Variants in SH3RF2 observed in about 807,000 individuals in gnomAD.
SH3RF2 encodes the protein SH3 domain containing ring finger 2.
In SH3RF2, 43 loss-of-function variants were observed where a neutral mutation model predicts 59.0. The observed-to-expected ratio is 0.73, with a 90% confidence interval of 0.57 to 0.94. The LOEUF (loss-of-function observed/expected upper bound fraction) is 0.94. Among genes scored for constraint, SH3RF2 ranks in the 40% least tolerant of loss-of-function variants. The probability of loss-of-function intolerance (pLI) is 0.00; values close to 1 mark genes in which losing one functional copy is unlikely to be tolerated. For missense variants in SH3RF2, 930 were observed against 940.1 expected (o/e 0.99, Z 0.14); for synonymous variants, 391 against 391.5 (o/e 1.00, Z 0.01).
chr5:146,018,921 T>C (rs902351511), intron 5 of SH3RF2, among the ~76,000 whole-genome samples: 2 of 152,002 alleles, frequency 1.3e-5, no homozygotes, highest in Non-Finnish European at 2.9e-5. Flanking sequence ...TGGCTGCTTA[T>C]ATATCTTGTG....
intron 2 of SH3RF2, among the ~76,000 whole-genome samples, chr5:145,989,352 A>C (rs1561726428): frequency 6.6e-6 from 1 of 152,232 alleles, no homozygotes; most frequent in Non-Finnish European, 1.5e-5. Flanking sequence ...AATTCTTATC[A>C]GCCATTTGTA....
At chr5:145,995,207 A>G (rs1161156059) in intron 2 of SH3RF2, among the ~76,000 whole-genome samples, 1 of 152,150 alleles carries the variant, frequency 6.6e-6, no homozygotes, top group Non-Finnish European at 1.5e-5. Flanking sequence ...ACATAGCAAG[A>G]TGGAGGAGAG....
rs753616323 is a variant in SH3RF2, at chr5:146,000,273, C to A, written c.594C>A (p.Phe198Leu). Residue 198 changes from phenylalanine to leucine, a missense_variant, in exon 3 of 10, where the codon TTC becomes TTA. Physicochemically the swap from Phe to Leu is conservative, Grantham distance 22. Coordinates refer to ENST00000359120, the MANE Select transcript of SH3RF2 (RefSeq NM_152550.4). ...PPPLCRALYN[F>L]DLRGKDKSEN... ...CGCTCTGCAGGGCCCTCTACAACTT[C>A]GACCTACGAGGCAAGGACAAGAGTG... The A allele has an allele frequency of 1.2e-6, 2 of 1,613,726 alleles. No individual in the cohort carries two copies. Among genetic ancestry groups the A allele is most frequent in the Admixed American group, 1.7e-5 (1 of 59,984 alleles).
chr5:146,009,331 T>G (rs958227848), intron 4 of SH3RF2, among the ~76,000 whole-genome samples: 1 of 152,190 alleles, frequency 6.6e-6, no homozygotes. Context: ...ATCTGGCCCC[T>G]GCCTGTCTCT....
At chr5:146,035,273 GA>G (rs1380749625) in intron 5 of SH3RF2, among the ~76,000 whole-genome samples, 1 of 152,134 alleles carries the variant, frequency 6.6e-6, no homozygotes, top group Non-Finnish European at 1.5e-5. Context: ...TAAATTTTCT[GA>G]AGATGCTGAG....
intron 3 of SH3RF2, among the ~76,000 whole-genome samples, chr5:146,002,542 C>G (rs1352017287): frequency 6.9e-6 from 1 of 144,182 alleles, no homozygotes; most frequent in African/African-American, 2.6e-5. Context: ...GGAAGGATAA[C>G]CTATAAATGC....
chr5:146,048,764 CCT>C (rs981725965), intron 6 of SH3RF2, among the ~76,000 whole-genome samples: 3 of 152,120 alleles, frequency 2.0e-5, no homozygotes, highest in African/African-American at 7.2e-5. Context: ...GTCTTTACCC[CCT>C]GACTCATACT....
Position 146,031,235 on chromosome 5 carries a change from G to A in SH3RF2, c.1060-16537G>A, listed in dbSNP as rs376557713. On this transcript the variant is annotated intron_variant, in intron 5 of 9. Transcript: ENST00000359120. ...ACCTTGTTTTGGAATTTACCTAAGCGTACCTTAATGCCCTCAACTCCTTAA... is the reference window on the plus strand; with the variant it reads ...ACCTTGTTTTGGAATTTACCTAAGCATACCTTAATGCCCTCAACTCCTTAA... Among the ~76,000 whole-genome samples the A allele has an allele frequency of 2.1e-4, 32 of 152,266 alleles. No individual in the cohort carries two copies. The South Asian group carries it at 5.4e-3, about 26-fold the overall frequency.
rs1761128151 is a variant in SH3RF2 at position 146,016,962 on chromosome 5, T to C, written c.1059+2901T>C. 2.0e-5 allele frequency among the ~76,000 whole-genome samples: 3 copies of C among 152,244 alleles called. 1 individual carries two copies. The South Asian group carries it at 6.2e-4, about 31-fold the overall frequency. On this transcript the variant is annotated intron_variant, in intron 5 of 9. Transcript: ENST00000359120. ...ATGGCACCAAGAATAAGCTGCTGCC[T>C]CATTCTCCTCCTGTGGTAGAGACAA...
At chr5:145,966,883 A>G (rs2149958725) in intron 2 of SH3RF2, among the ~76,000 whole-genome samples, 2 of 152,152 alleles carry the variant, frequency 1.3e-5, no homozygotes, top group South Asian at 4.2e-4. Flanking sequence ...TTAGCTGGGC[A>G]TGGTGGTGCA....
At chr5:146,047,738 T>C (rs1232107173) in intron 5 of SH3RF2, 34 bp from the exon 6 acceptor site, 1 of 1,605,838 alleles carries the variant, frequency 6.2e-7, no homozygotes, top group Non-Finnish European at 8.5e-7. Context: ...TGGCATTCAT[T>C]GGTTCTGCTT....
Position 145,938,162 on chromosome 5 carries a change from A to T in SH3RF2, c.234A>T (p.Ser78=), listed in dbSNP as rs1245516767. 2.5e-6 allele frequency: 4 copies of T among 1,614,182 alleles called. No individual in the cohort carries two copies. Among genetic ancestry groups the T allele is most frequent in the South Asian group, 2.2e-5 (2 of 91,082 alleles). ...LLVRLLDGVR[S]GQSSGRGGSF... The stretch of plus-strand genomic sequence containing the variant: ...TGCGCCTTCTGGATGGAGTGCGCTC[A>T]GGGCAGAGCTCCGGGAGAGGGGGCT... Residue 78 remains serine, a synonymous_variant, in exon 2 of 10, where the codon TCA becomes TCT. Coordinates refer to ENST00000359120, the MANE Select transcript of SH3RF2 (RefSeq NM_152550.4).
chr5:146,000,220 G>A lies in SH3RF2; in HGVS notation c.541G>A (p.Val181Ile). ...SGNFPASSVEVIKQLPQPPPL... is the reference protein window; with the variant it reads ...SGNFPASSVEIIKQLPQPPPL... ...GAACTTCCCAGCCAGCTCCGTGGAAGTCATCAAGCAGCTGCCCCAGCCGCC... is the reference window on the plus strand; with the variant it reads ...GAACTTCCCAGCCAGCTCCGTGGAAATCATCAAGCAGCTGCCCCAGCCGCC... Residue 181 changes from valine (V) to isoleucine (I), a missense_variant, in exon 3 of 10, where the codon GTC becomes ATC. Val to Ile is a conservative substitution (Grantham distance 29). Transcript: ENST00000359120. 6.2e-7 allele frequency: 1 copy of A among 1,613,758 alleles called. No individual in the cohort carries two copies. Among genetic ancestry groups the A allele is most frequent in the Non-Finnish European group, 8.5e-7 (1 of 1,179,874 alleles).
At chr5:145,944,789 A>G (rs1161405465) in intron 2 of SH3RF2, among the ~76,000 whole-genome samples, 1 of 152,208 alleles carries the variant, frequency 6.6e-6, no homozygotes, top group Non-Finnish European at 1.5e-5. Flanking sequence ...CCTCTTAGTA[A>G]TATTAATTGT....
chr5:146,074,577 T>TAAA lies in SH3RF2; in HGVS notation c.*34-3875_*34-3873dup, dbSNP rs57550178. Among the ~76,000 whole-genome samples, 276 of 148,016 alleles carry TAAA rather than the reference T, an allele frequency of 1.9e-3. 1 individual carries two copies. Among genetic ancestry groups the TAAA allele is most frequent in the African/African-American group, 4.6e-3 (186 of 40,172 alleles). On this transcript the variant is annotated intron_variant, in intron 9 of 9. Coordinates refer to the SH3RF2 transcript ENST00000511217. ...AGCAAACAATAAGCAAACTGACATC[T>TAAA]AAAAAAAAAACAAAACAAAACAAAA... is the stretch of plus-strand genomic sequence containing the variant.
intron 5 of SH3RF2, among the ~76,000 whole-genome samples, chr5:146,035,158 G>A (rs1018037530): frequency 2.6e-5 from 4 of 151,200 alleles, no homozygotes. Flanking sequence ...GGTGGTGGTA[G>A]GCGATTTTTT....
At chr5:146,059,764 G>C (rs1455568952) in intron 8 of SH3RF2, 102 bp from the exon 9 acceptor site, 1 of 787,592 alleles carries the variant, frequency 1.3e-6, no homozygotes, top group Non-Finnish European at 1.9e-6. Context: ...TTAGGAAAGC[G>C]CTTGTCTATT....
intron 2 of SH3RF2, among the ~76,000 whole-genome samples, chr5:145,963,507 G>A (rs942478492): frequency 6.6e-6 from 1 of 152,114 alleles, no homozygotes; most frequent in Non-Finnish European, 1.5e-5. Context: ...AAGAATGAAG[G>A]GATTAGGATT....
At chr5:146,073,492 T>A (rs1763277751) in intron 9 of SH3RF2, among the ~76,000 whole-genome samples, 1 of 152,360 alleles carries the variant, frequency 6.6e-6, no homozygotes, top group African/African-American at 2.4e-5. Flanking sequence ...AGAAATTAAA[T>A]GTCCCTGGCA....
Sources: allele counts gnomAD v4.1 joint callset (sites outside exome capture counted in the v4.1 genomes callset), GRCh38; gene constraint gnomAD v4.1.1; transcripts MANE v1.5; gene names NCBI Gene and HGNC (gene_info 2026-07-23, HGNC 2026-07-21).